Variants in FAAH observed in about 807,000 individuals in gnomAD.
FAAH encodes fatty acid amide hydrolase.
FAAH carries 63 observed loss-of-function variants against 69.7 expected under a neutral mutation model. That is an observed-to-expected ratio of 0.90 (90% CI 0.74 to 1.12). The LOEUF is 1.12. Among genes scored for constraint, FAAH ranks in the 50% most tolerant of loss-of-function variants. The pLI, the probability that FAAH is intolerant of heterozygous loss-of-function variation, is 0.00. For missense variants in FAAH, 680 were observed against 755.0 expected, an observed-to-expected ratio of 0.90 and a Z score of 1.16; for synonymous variants, 305 against 324.2, an observed-to-expected ratio of 0.94 and a Z score of 0.64.
rs1664785480 is a variant in FAAH, at chr1:46,405,908, C to G, written c.785+114C>G. 5 of 1,609,852 alleles carry G rather than the reference C, an allele frequency of 3.1e-6. No individual in the cohort carries two copies. In the Admixed American group the frequency reaches 8.4e-5, roughly 27 times the overall value. On this transcript the variant is annotated intron_variant, in intron 5 of 14. Transcript: ENST00000243167. The surrounding 1 kb of genome is among the most constrained non-coding windows in gnomAD (Gnocchi z 4.1). Reference sequence around the variant, plus strand: ...TCTCCGGGGTTTTGCTGGGAGGAAGCATTACAGTACCACTGGCCGGGCGTG... The same window carrying G: ...TCTCCGGGGTTTTGCTGGGAGGAAGGATTACAGTACCACTGGCCGGGCGTG...
rs199835847 is a variant in FAAH, at chr1:46,410,482, C to T, written c.1260C>T (p.Phe420=). 1.2e-4 allele frequency: 187 copies of T among 1,613,904 alleles called. No individual in the cohort carries two copies. Among genetic ancestry groups the T allele is most frequent in the Non-Finnish European group, 1.5e-4 (174 of 1,179,920 alleles). Residue 420 remains phenylalanine (F), a synonymous_variant, in exon 10 of 15, where the codon TTC becomes TTT. Transcript: ENST00000243167. The surrounding 1 kb of genome is among the most constrained non-coding windows in gnomAD (Gnocchi z 4.9). ...LPQWLKGLLA[F]LVKPLLPRLS... ...AATGGCTTAAAGGACTGCTGGCCTT[C>T]CTGGTGAAGCCTCTGGTGAGGGCAC...
chr1:46,396,286 T>C (rs564483818), intron 1 of FAAH, among the ~76,000 whole-genome samples: 3 of 152,342 alleles, frequency 2.0e-5, no homozygotes, highest in South Asian at 2.1e-4. Context: ...GGTTTTCTCC[T>C]ATCTCAGTAA....
At chr1:46,402,774 C>T (rs1286139307) in intron 2 of FAAH, among the ~76,000 whole-genome samples, 2 of 151,734 alleles carry the variant, frequency 1.3e-5, no homozygotes, top group African/African-American at 2.4e-5. Context: ...CTCACTGCAG[C>T]CTCCACCTCC....
chr1:46,406,942 T>G (rs1459467544), intron 7 of FAAH, among the ~76,000 whole-genome samples: 1 of 152,062 alleles, frequency 6.6e-6, no homozygotes, highest in Non-Finnish European at 1.5e-5. Context: ...CAGCCTCAGC[T>G]GCTGGCACCA....
rs75429705 is a variant in FAAH at position 46,412,213 on chromosome 1, C to T, written c.1427C>T (p.Ala476Val). 4 of 1,558,662 alleles carry T rather than the reference C, an allele frequency of 2.6e-6. No individual in the cohort carries two copies. Among genetic ancestry groups the T allele is most frequent in the Non-Finnish European group, 3.5e-6 (4 of 1,151,070 alleles). ...DLDVVLTPML[A>V]PALDLNAPGR... is the part of the protein sequence containing the mutation. ...GATGTGGTGCTGACCCCCATGCTGG[C>T]CCCTGCTCTGGACTTGAATGCCCCA... The change falls in exon 13 of 15, where the codon GCC becomes GTC. Residue 476 changes from alanine to valine, a missense_variant. By Grantham distance (64) the Ala-to-Val change is moderately conservative. Coordinates refer to ENST00000243167, the MANE Select transcript of FAAH (RefSeq NM_001441.3).
At chr1:46,397,043 C>G (rs1439890049) in intron 1 of FAAH, among the ~76,000 whole-genome samples, 1 of 152,186 alleles carries the variant, frequency 6.6e-6, no homozygotes, top group Non-Finnish European at 1.5e-5. Context: ...GTGGTCAACC[C>G]AAATTGGCCA....
In FAAH at chr1:46,408,444, G is replaced by C. The variant is rs200629641; in HGVS notation, c.952-15G>C. The C allele has an allele frequency of 1.1e-4, 176 of 1,614,066 alleles. No homozygotes were observed. Among genetic ancestry groups the C allele is most frequent in the Non-Finnish European group, 1.4e-4 (163 of 1,179,994 alleles). On this transcript the variant is annotated splice_polypyrimidine_tract_variant and intron_variant, in intron 7 of 14. Transcript: ENST00000243167. The stretch of plus-strand genomic sequence containing the variant: ...TTCTCCTGACCTGCCCCTGTCCCCT[G>C]TGTTTTCCCTCCAGGTCTACACCAG...
intron 7 of FAAH, among the ~76,000 whole-genome samples, chr1:46,406,817 A>G (rs1664808062): frequency 1.3e-5 from 2 of 151,708 alleles, no homozygotes; most frequent in African/African-American, 4.8e-5. Context: ...CGTGTTATCC[A>G]GGATGGTCTG....
chr1:46,412,363 A>C, intron 13 of FAAH, 112 bp downstream of exon 13: 1 of 897,648 alleles, frequency 1.1e-6, no homozygotes. Flanking sequence ...CTCGGGGCCC[A>C]CAGTCTGGCT....
At position 46,405,662 on chromosome 1, in the gene FAAH, CAG is replaced by C. The variant is rs754760534; in HGVS notation, c.654_655del (p.Gly220Ter). 6.2e-7 allele frequency: 1 copy of C among 1,613,566 alleles called. No individual in the cohort carries two copies. The highest frequency in any genetic ancestry group is 8.5e-7 in the Non-Finnish European group (1 of 1,180,030). On this transcript the variant is annotated frameshift_variant, in exon 5 of 15. Transcript: ENST00000243167. LOFTEE classifies it high-confidence loss of function. This position sits in a 1 kb window ranked among gnomAD's most constrained non-coding sequence, Gnocchi z 4.1. ...TCCTCCAAAAGCCCAGGGGGCTCCT[CAG>C]GGGGTGAAGGGGCCCTCATCGGGTC...
At chr1:46,408,048 C>T (rs569400737) in intron 7 of FAAH, among the ~76,000 whole-genome samples, 2 of 152,074 alleles carry the variant, frequency 1.3e-5, no homozygotes, top group African/African-American at 2.4e-5. Context: ...AGTCCTTCCT[C>T]GGAGGAGAGG....
At chr1:46,395,986 G>C (rs143295971) in intron 1 of FAAH, among the ~76,000 whole-genome samples, 342 of 152,170 alleles carry the variant, frequency 2.2e-3, no homozygotes, top group African/African-American at 7.9e-3. Context: ...GGGGACCACC[G>C]CTCAGTATAG....
In FAAH at chr1:46,405,328, C is replaced by T. The variant is rs200524063; in HGVS notation, c.445-44C>T. On this transcript the variant is annotated intron_variant, in intron 3 of 14. Coordinates refer to ENST00000243167, the MANE Select transcript of FAAH (RefSeq NM_001441.3). The surrounding 1 kb of genome is among the most constrained non-coding windows in gnomAD (Gnocchi z 4.1). The stretch of plus-strand genomic sequence containing the variant: ...GTTGGAGTGGACCCTTGGCTGCCCA[C>T]GGGCCCTGACTCACTCCCTTCTGGT... The T allele has an allele frequency of 2.3e-5, 37 of 1,605,748 alleles. No homozygotes were observed. Among genetic ancestry groups the T allele is most frequent in the African/African-American group, 1.9e-4 (14 of 74,910 alleles).
intron 1 of FAAH, among the ~76,000 whole-genome samples, 165 bp from the exon 2 acceptor site, chr1:46,401,926 C>A (rs1389739297): frequency 2.0e-5 from 3 of 152,184 alleles, no homozygotes; most frequent in African/African-American, 7.2e-5. Context: ...GCTGGGCACC[C>A]CTTCAACAAG....
intron 13 of FAAH, 137 bp from the exon 14 acceptor site, chr1:46,412,938 C>T (rs74335613): frequency 9.3e-7 from 1 of 1,075,412 alleles, no homozygotes; most frequent in South Asian, 1.3e-5. Flanking sequence ...GGCTTTGTCA[C>T]TCAGACCTCA....
At position 46,405,041 on chromosome 1, in the gene FAAH, T is replaced by G. The variant is rs1664765364; in HGVS notation, c.337T>G (p.Cys113Gly). Residue 113 changes from cysteine to glycine, a missense_variant, in exon 3 of 15, where the codon TGT (cysteine) becomes GGT (glycine). Physicochemically the swap from Cys to Gly is radical, Grantham distance 159. Transcript: ENST00000243167. The surrounding 1 kb of genome is among the most constrained non-coding windows in gnomAD (Gnocchi z 4.1). ...CTGGGAAGTGAACAAAGGGACCAAC[T>G]GTGTGACCTCCTATCTGGCTGACTG... Reference protein sequence around the residue: ...KAWEVNKGTNCVTSYLADCET... With the variant: ...KAWEVNKGTNGVTSYLADCET... 2 of 1,614,108 alleles carry G rather than the reference T, an allele frequency of 1.2e-6. No homozygotes were observed. Among genetic ancestry groups the G allele is most frequent in the African/African-American group, 2.7e-5 (2 of 75,056 alleles).
At position 46,402,146 on chromosome 1, in the gene FAAH, A is replaced by G; in HGVS notation, c.251A>G (p.Gln84Arg). 1.2e-6 allele frequency: 2 copies of G among 1,610,726 alleles called. No individual in the cohort carries two copies. Among genetic ancestry groups the G allele is most frequent in the Middle Eastern group, 1.7e-4 (1 of 6,058 alleles). ...LLALPLPQLV[Q>R]KLHSRELAPE... is the part of the protein sequence containing the mutation. Reference sequence around the variant, plus strand: ...GCCCTGCCCCTGCCTCAGCTGGTGCAGAAGTTACACAGTAGAGAGCTGGCC... The same window carrying G: ...GCCCTGCCCCTGCCTCAGCTGGTGCGGAAGTTACACAGTAGAGAGCTGGCC... Residue 84 changes from glutamine to arginine, a missense_variant, in exon 2 of 15, where the codon CAG (glutamine) becomes CGG (arginine). Coordinates refer to ENST00000243167, the MANE Select transcript of FAAH (RefSeq NM_001441.3).
In FAAH at chr1:46,413,750, T is replaced by C; in HGVS notation, c.*175T>C. The C allele has an allele frequency of 1.2e-6, 1 of 857,246 alleles. No homozygotes were observed. Among genetic ancestry groups the C allele is most frequent in the Non-Finnish European group, 1.8e-6 (1 of 543,234 alleles). 53.1% of individuals were successfully genotyped at this position (857,246 alleles called of 1,614,324 possible). A position where few individuals can be genotyped will look rare whatever the true frequency, so the allele number is the denominator to read the frequency against. On this transcript the variant is annotated 3_prime_UTR_variant, in exon 15 of 15. Transcript: ENST00000243167. ...CTCCCTGAGTCTGGACCTCCATCCC[T>C]GCTCTGGTCCCCTCTCTTCGTCCTG...
At chr1:46,400,412 G>A (rs1388998210) in intron 1 of FAAH, among the ~76,000 whole-genome samples, 7 of 152,108 alleles carry the variant, frequency 4.6e-5, no homozygotes, top group South Asian at 2.1e-4. Flanking sequence ...TTGGGTGGCC[G>A]CGTGTGACCT....
Sources: gnomAD v4.1 joint callset for allele counts (sites outside exome capture counted in the v4.1 genomes callset) on GRCh38, gnomAD v4.1.1 for gene constraint, Gnocchi (gnomAD v3.1) non-coding constraint, MANE v1.5 for transcripts, NCBI Gene and HGNC (gene_info 2026-07-23, HGNC 2026-07-21) for gene names.